LYRM2: variants seen among roughly 807,000 people sequenced by gnomAD.
LYRM2 encodes LYR motif containing 2.
A neutral mutation model predicts 11.6 loss-of-function variants in LYRM2; 8 were observed. The ratio of observed to expected loss-of-function variants is 0.69; its 90% CI spans 0.40 to 1.24. The LOEUF (loss-of-function observed/expected upper bound fraction) is 1.24, where lower values mean the gene tolerates loss of function less well. LYRM2 is among the 50% of genes most tolerant of loss of function. LYRM2 has a pLI of 0.01. For missense variants in LYRM2, 117 were observed against 102.9 expected, an observed-to-expected ratio of 1.14 and a Z score of -0.59; for synonymous variants, 30 against 36.4, an observed-to-expected ratio of 0.83 and a Z score of 0.63.
rs1234486271 is a variant in LYRM2 at position 89,635,738 on chromosome 6, G to A, written c.*1535C>T. 6.6e-6 allele frequency: 1 copy of A among 152,212 alleles called. No homozygotes were observed. Among genetic ancestry groups the A allele is most frequent in the East Asian group, 1.9e-4 (1 of 5,206 alleles). The allele number at this position is 152,212 out of a possible 1,614,324, so 9.4% of individuals were successfully genotyped here. ...GTTATAAATTTGATCTCCTTCAAAA[G>A]TGCCTTGAAGTCAATTTTGGTTGTA... On this transcript the variant is annotated 3_prime_UTR_variant, in exon 3 of 3. Transcript: ENST00000523377.
rs547178513 is a variant in LYRM2 at position 89,635,664 on chromosome 6, G to A, written c.*1609C>T. 2 of 152,238 alleles carry A rather than the reference G, an allele frequency of 1.3e-5. No individual in the cohort carries two copies. The highest frequency in any genetic ancestry group is 4.1e-4 in the South Asian group (2 of 4,820). The allele number at this position is 152,238 out of a possible 1,614,324, so 9.4% of individuals were successfully genotyped here. On this transcript the variant is annotated 3_prime_UTR_variant, in exon 3 of 3. Coordinates refer to ENST00000523377, the MANE Select transcript of LYRM2 (RefSeq NM_020466.5). The stretch of plus-strand genomic sequence containing the variant: ...AACAGAAGACTTCAATTTTCAGGAT[G>A]GATGATTCCAACATCTTCCACAAGC...
In LYRM2 at chr6:89,637,674, T is replaced by G. The variant is rs143603572; in HGVS notation, c.186+68A>C. The G allele has an allele frequency of 3.2e-4, 499 of 1,546,370 alleles. 5 individuals are homozygous for G. In the East Asian group the frequency reaches 9.6e-3, roughly 30 times the overall value. On this transcript the variant is annotated intron_variant, in intron 2 of 2. Coordinates refer to ENST00000523377, the MANE Select transcript of LYRM2 (RefSeq NM_020466.5). ...CTATATTCCAAGATGTCTGCTAAAC[T>G]TAAAAAAAAAAATTCACTGATCAAT...
rs775138611 is a variant in LYRM2, at chr6:89,637,279, T to G, written c.261A>C (p.Lys87Asn). The change falls in exon 3 of 3, where the codon AAA becomes AAC. Residue 87 changes from lysine (K) to asparagine (N), a missense_variant. Lys to Asn is a moderately conservative substitution (Grantham distance 94, BLOSUM62 0). Transcript: ENST00000523377. ...CTTCAGAATAATGCTATAGTTAAGA[T>G]TTTGCTAAAGCAAGTGTTTTTTCTA... is the stretch of plus-strand genomic sequence containing the variant. The part of the protein sequence containing the change: ...KELEKTLALA[K>N]S 6.7e-7 allele frequency: 1 copy of G among 1,492,238 alleles called. No homozygotes were observed. The highest frequency in any genetic ancestry group is 9.3e-7 in the Non-Finnish European group (1 of 1,070,550). 92.4% of individuals were successfully genotyped at this position (1,492,238 alleles called of 1,614,324 possible).
rs562504054 is a variant in LYRM2, at chr6:89,635,492, A to T, written c.*1781T>A. The T allele has an allele frequency of 1.3e-5, 2 of 152,432 alleles. No individual in the cohort carries two copies. The highest frequency in any genetic ancestry group is 4.8e-5 in the African/African-American group (2 of 41,584). 9.4% of individuals were successfully genotyped at this position (152,432 alleles called of 1,614,324 possible). On this transcript the variant is annotated 3_prime_UTR_variant, in exon 3 of 3. Transcript: ENST00000523377. Reference sequence around the variant, plus strand: ...CTCTGGGAGGTAGAGGTGGACCCTGACAGTCCAGGTCATTAACATCCACAT... The same window carrying T: ...CTCTGGGAGGTAGAGGTGGACCCTGTCAGTCCAGGTCATTAACATCCACAT...
Position 89,638,062 on chromosome 6 carries a change from G to C in LYRM2, c.46-180C>G, listed in dbSNP as rs114784929. On this transcript the variant is annotated intron_variant, in intron 1 of 2. Coordinates refer to ENST00000523377, the MANE Select transcript of LYRM2 (RefSeq NM_020466.5). ...GCAGTGGCTCAGGCCTGTAATCCCA[G>C]CACTTTGGGAGGCCAAGATGGGAGG... Among the ~76,000 whole-genome samples, 335 of 152,130 alleles carry C rather than the reference G, an allele frequency of 2.2e-3. 1 individual carries two copies. The highest frequency in any genetic ancestry group is 7.9e-3 in the African/African-American group (326 of 41,496).
intron 1 of LYRM2, 47 bp from the exon 2 acceptor site, chr6:89,637,929 G>A: frequency 1.3e-6 from 2 of 1,547,488 alleles, no homozygotes; most frequent in South Asian, 2.4e-5. Flanking sequence ...ACAATCGCCA[G>A]CCTGGAAAGT....
Position 89,638,736 on chromosome 6 carries a change from G to C in LYRM2, c.-20C>G. 1 of 1,613,708 alleles carries C rather than the reference G, an allele frequency of 6.2e-7. No individual in the cohort carries two copies. The highest frequency in any genetic ancestry group is 1.1e-5 in the South Asian group (1 of 91,042). The stretch of plus-strand genomic sequence containing the variant: ...AGCCATGTCCACCAGAGGTCCGCCG[G>C]AGCCTCAGCGCGCAGGAGCGGAAGT... On this transcript the variant is annotated 5_prime_UTR_variant, in exon 1 of 3. Coordinates refer to ENST00000523377, the MANE Select transcript of LYRM2 (RefSeq NM_020466.5).
rs1453387202 is a variant in LYRM2, at chr6:89,637,845, C to T, written c.83G>A (p.Arg28Lys). ...AACTTGCCGAATTGTTTGCAAAATCCTTCTGTAGAGGAGAAGAACTTGTTG... is the reference window on the plus strand; with the variant it reads ...AACTTGCCGAATTGTTTGCAAAATCTTTCTGTAGAGGAGAAGAACTTGTTG... ...RRQQVLLLYR[R>K]ILQTIRQVPN... The change falls in exon 2 of 3, where the codon AGG becomes AAG. Residue 28 changes from arginine to lysine, a missense_variant. Coordinates refer to ENST00000523377, the MANE Select transcript of LYRM2 (RefSeq NM_020466.5). The T allele has an allele frequency of 6.2e-7, 1 of 1,614,068 alleles. No homozygotes were observed. The highest frequency in any genetic ancestry group is 1.1e-5 in the South Asian group (1 of 91,072).
chr6:89,638,706 G>C lies in LYRM2; in HGVS notation c.11C>G (p.Ser4Cys). Residue 4 changes from serine to cysteine, a missense_variant, in exon 1 of 3, where the codon TCC becomes TGC. Ser to Cys is a moderately radical substitution (Grantham distance 112). Transcript: ENST00000523377. ...CGTTAGCGTCGCTGGGGGTAAGCGG[G>C]AAGCAGCCATGTCCACCAGAGGTCC... is the stretch of plus-strand genomic sequence containing the variant. MAASRLPPATLTLK... is the reference protein window; with the variant it reads MAACRLPPATLTLK... The C allele has an allele frequency of 6.2e-7, 1 of 1,614,094 alleles. No homozygotes were observed. The highest frequency in any genetic ancestry group is 8.5e-7 in the Non-Finnish European group (1 of 1,179,986).
At position 89,634,383 on chromosome 6, in the gene LYRM2, T is replaced by C. The variant is rs971206739; in HGVS notation, c.*2890A>G. Reference sequence around the variant, plus strand: ...TTCTGCTTTCTGCAATTTTAGAAAGTCATTCCATTCTGGGTGACAGAATGA... The same window carrying C: ...TTCTGCTTTCTGCAATTTTAGAAAGCCATTCCATTCTGGGTGACAGAATGA... On this transcript the variant is annotated 3_prime_UTR_variant, in exon 3 of 3. Coordinates refer to ENST00000523377, the MANE Select transcript of LYRM2 (RefSeq NM_020466.5). 3.1e-4 allele frequency: 47 copies of C among 151,828 alleles called. No individual in the cohort carries two copies. The highest frequency in any genetic ancestry group is 3.0e-3 in the Admixed American group (46 of 15,258). The allele number at this position is 151,828 out of a possible 1,614,324, so 9.4% of individuals were successfully genotyped here. A position where few individuals can be genotyped will look rare whatever the true frequency, so the allele number is the denominator to read the frequency against.
At chr6:89,638,571 G>T in intron 1 of LYRM2, 101 bp downstream of exon 1, 1 of 1,594,412 alleles carries the variant, frequency 6.3e-7, no homozygotes, top group South Asian at 1.1e-5. Flanking sequence ...CGCGCACGCC[G>T]CATCAGGACC....
At position 89,636,382 on chromosome 6, in the gene LYRM2, T is replaced by C. The variant is rs1808004442; in HGVS notation, c.*891A>G. On this transcript the variant is annotated 3_prime_UTR_variant, in exon 3 of 3. Coordinates refer to ENST00000523377, the MANE Select transcript of LYRM2 (RefSeq NM_020466.5). ...TGAATGGAATCATCATGTGATCTTT[T>C]GTGACCGGCTTCTTTCACTTAACGT... 2 of 152,394 alleles carry C rather than the reference T, an allele frequency of 1.3e-5. No individual in the cohort carries two copies. The highest frequency in any genetic ancestry group is 4.1e-4 in the South Asian group (2 of 4,832). 9.4% of individuals were successfully genotyped at this position (152,394 alleles called of 1,614,324 possible).
At chr6:89,637,958 G>T in intron 1 of LYRM2, 76 bp from the exon 2 acceptor site, 1 of 1,390,932 alleles carries the variant, frequency 7.2e-7, no homozygotes. Flanking sequence ...AGCAAACCAA[G>T]CTGTAACCAG....
In LYRM2 at chr6:89,638,687, C is replaced by T. The variant is rs1808094114; in HGVS notation, c.30G>A (p.Thr10=). The change falls in exon 1 of 3, where the codon ACG becomes ACA. Residue 10 remains threonine (T), a synonymous_variant. Transcript: ENST00000523377. ...CCGCCGGTACCTGCTTTAACGTTAG[C>T]GTCGCTGGGGGTAAGCGGGAAGCAG... MAASRLPPA[T]LTLKQFVRRQ... 1 of 1,614,116 alleles carries T rather than the reference C, an allele frequency of 6.2e-7. No individual in the cohort carries two copies. The highest frequency in any genetic ancestry group is 8.5e-7 in the Non-Finnish European group (1 of 1,179,976).
At chr6:89,638,647 T>G (rs764458547) in intron 1 of LYRM2, 25 bp downstream of exon 1, 4 of 1,613,924 alleles carry the variant, frequency 2.5e-6, no homozygotes, top group Non-Finnish European at 3.4e-6. Context: ...GTAAGCTGCT[T>G]TGGAAGGCAG....
rs1329759146 is a variant in LYRM2, at chr6:89,635,344, C to T, written c.*1929G>A. The T allele has an allele frequency of 1.3e-5, 2 of 152,214 alleles. No homozygotes were observed. Among genetic ancestry groups the T allele is most frequent in the Non-Finnish European group, 2.9e-5 (2 of 68,042 alleles). 9.4% of individuals were successfully genotyped at this position (152,214 alleles called of 1,614,324 possible). A position where few individuals can be genotyped will look rare whatever the true frequency, so the allele number is the denominator to read the frequency against. ...TGCTTCTGTTTGTCAGATCATTTTG[C>T]AACAGGTTAACTAATACTTATCTAC... On this transcript the variant is annotated 3_prime_UTR_variant, in exon 3 of 3. Transcript: ENST00000523377.
rs779911780 is a variant in LYRM2, at chr6:89,637,872, C to T, written c.56G>A (p.Arg19Lys). ...ATLTLKQFVRRQQVLLLYRRI... is the reference protein window; with the variant it reads ...ATLTLKQFVRKQQVLLLYRRI... Reference sequence around the variant, plus strand: ...TCTGTAGAGGAGAAGAACTTGTTGCCTTCTTACGAACTGTAAAAGGGAGGA... The same window carrying T: ...TCTGTAGAGGAGAAGAACTTGTTGCTTTCTTACGAACTGTAAAAGGGAGGA... Residue 19 changes from arginine to lysine, a missense_variant, in exon 2 of 3, where the codon AGG (arginine) becomes AAG (lysine). Arg to Lys is a conservative substitution (Grantham distance 26, BLOSUM62 2). Coordinates refer to ENST00000523377, the MANE Select transcript of LYRM2 (RefSeq NM_020466.5). The T allele has an allele frequency of 1.2e-6, 2 of 1,613,686 alleles. No individual in the cohort carries two copies. The highest frequency in any genetic ancestry group is 1.6e-4 in the Middle Eastern group (1 of 6,062).
In LYRM2 at chr6:89,634,461, C is replaced by T. The variant is rs1350931296; in HGVS notation, c.*2812G>A. Reference sequence around the variant, plus strand: ...ACAACTCACACCTGTAATCCTAGCACTCTGGCCACCGAGGCAGGTGGATTG... The same window carrying T: ...ACAACTCACACCTGTAATCCTAGCATTCTGGCCACCGAGGCAGGTGGATTG... On this transcript the variant is annotated 3_prime_UTR_variant, in exon 3 of 3. Transcript: ENST00000523377. The T allele has an allele frequency of 6.6e-6, 1 of 151,850 alleles. No homozygotes were observed. Among genetic ancestry groups the T allele is most frequent in the Non-Finnish European group, 1.5e-5 (1 of 67,988 alleles). The allele number at this position is 151,850 out of a possible 1,614,324, so 9.4% of individuals were successfully genotyped here. A position where few individuals can be genotyped will look rare whatever the true frequency, so the allele number is the denominator to read the frequency against.
chr6:89,634,792 TTTTTTA>T lies in LYRM2; in HGVS notation c.*2475_*2480del, dbSNP rs1375038020. 2.0e-5 allele frequency: 3 copies of T among 152,230 alleles called. No individual in the cohort carries two copies. Among genetic ancestry groups the T allele is most frequent in the Admixed American group, 2.0e-4 (3 of 15,276 alleles). The allele number at this position is 152,230 out of a possible 1,614,324, so 9.4% of individuals were successfully genotyped here. A position where few individuals can be genotyped will look rare whatever the true frequency, so the allele number is the denominator to read the frequency against. ...TTTAAAACTTCTAACTTGATGGCAC[TTTTTTA>T]TTTTTTTTGAGACAAGAGTCTCACT... is the stretch of plus-strand genomic sequence containing the variant. On this transcript the variant is annotated 3_prime_UTR_variant, in exon 3 of 3. Coordinates refer to ENST00000523377, the MANE Select transcript of LYRM2 (RefSeq NM_020466.5).
Sources: allele counts gnomAD v4.1 joint callset (sites outside exome capture counted in the v4.1 genomes callset), GRCh38; gene constraint gnomAD v4.1.1; transcripts MANE v1.5; gene names NCBI Gene and HGNC (gene_info 2026-07-23, HGNC 2026-07-21).